Variants in DOT1L observed in about 807,000 individuals in gnomAD.
The protein encoded by DOT1L is DOT1 like histone lysine methyltransferase, also known as histone-lysine N-methyltransferase, H3 lysine-79 specific.
DOT1L carries 33 observed loss-of-function variants against 153.3 expected under a neutral mutation model. That is an observed-to-expected ratio of 0.22 (90% confidence interval 0.16 to 0.29). DOT1L has a LOEUF of 0.29. DOT1L is among the 10% of genes least tolerant of loss of function. The pLI is 1.00. For missense variants in DOT1L, 1,847 were observed against 2,119.9 expected (o/e 0.87, Z 2.53); for synonymous variants, 1,135 against 965.1 (o/e 1.18, Z -3.26).
intron 8 of DOT1L, 93 bp from the exon 9 acceptor site, chr19:2,202,607 C>A: frequency 1.5e-6 from 2 of 1,300,794 alleles, no homozygotes; most frequent in Non-Finnish European, 2.2e-6. Flanking sequence ...GTGGGCAGGG[C>A]CTAGCACCGA....
Position 2,213,907 on chromosome 19 carries a change from C to A in DOT1L, c.1718C>A (p.Ala573Asp). Residue 573 changes from alanine (A) to aspartate (D), a missense_variant, in exon 18 of 28, where the codon GCC (alanine) becomes GAC (aspartate). This residue lies in a region of DOT1L where 156 missense variants were observed against 235.7 expected (regional missense o/e 0.66). Coordinates refer to ENST00000398665, the MANE Select transcript of DOT1L (RefSeq NM_032482.3). Reference protein sequence around the residue: ...DLIQAQKEISAHNQQLREQSE... With the variant: ...DLIQAQKEISDHNQQLREQSE... ...ATTCAAGCGCAGAAGGAGATCTCCG[C>A]CCATAACCAGCAGCTGCGGGAGCAG... 1.2e-6 allele frequency: 2 copies of A among 1,613,118 alleles called. No homozygotes were observed. The highest frequency in any genetic ancestry group is 1.7e-6 in the Non-Finnish European group (2 of 1,180,038).
chr19:2,184,403 C>T (rs918620643), intron 2 of DOT1L, among the ~76,000 whole-genome samples: 7 of 152,038 alleles, frequency 4.6e-5, no homozygotes, highest in African/African-American at 1.4e-4. Context: ...TTGGAGGGCA[C>T]CCGGACCTGA....
At chr19:2,187,870 T>G (rs376642719) in intron 3 of DOT1L, among the ~76,000 whole-genome samples, 1 of 145,218 alleles carries the variant, frequency 6.9e-6, no homozygotes, top group Non-Finnish European at 1.5e-5. Flanking sequence ...TGCAGTGAGC[T>G]GAGATCGCGC....
intron 1 of DOT1L, among the ~76,000 whole-genome samples, chr19:2,177,389 C>T (rs1173923928): frequency 5.3e-5 from 8 of 151,986 alleles, no homozygotes; most frequent in Non-Finnish European, 8.8e-5. Flanking sequence ...CTCTGCCTCC[C>T]GGGTTCAAGC....
chr19:2,216,904 T>C, intron 20 of DOT1L, 51 bp from the exon 21 acceptor site: 1 of 1,579,122 alleles, frequency 6.3e-7, no homozygotes, highest in Non-Finnish European at 8.6e-7. Context: ...GGCCGCTGCC[T>C]CTGAGTGCCA....
chr19:2,167,740 T>TTTC (rs1568323286), intron 1 of DOT1L, among the ~76,000 whole-genome samples: 11 of 146,478 alleles, frequency 7.5e-5, no homozygotes, highest in East Asian at 3.9e-4. Context: ...TTTTCTTTTT[T>TTTC]TTTTTTTTTT....
intron 27 of DOT1L, chr19:2,227,465 T>C (rs1599628153): frequency 1.8e-6 from 1 of 562,036 alleles, no homozygotes; most frequent in Non-Finnish European, 3.4e-6. Flanking sequence ...GAGCTGGTGT[T>C]GGGTAAGAGC....
intron 1 of DOT1L, among the ~76,000 whole-genome samples, chr19:2,170,292 TGCCCCTGGTGTGGTTGGGAG>T (rs538594173): frequency 2.0e-5 from 3 of 152,332 alleles, no homozygotes; most frequent in Admixed American, 6.5e-5. Flanking sequence ...TTTCCACGCT[TGCCCCTGGTGTGGTTGGGAG>T]GCGTGACTGA....
chr19:2,203,474 A>G (rs2023374698), intron 9 of DOT1L, among the ~76,000 whole-genome samples: 2 of 152,300 alleles, frequency 1.3e-5, no homozygotes, highest in African/African-American at 2.4e-5. Flanking sequence ...AGTCCCCTTT[A>G]TTCTTGACCT....
rs1009823963 is a variant in DOT1L at position 2,208,287 on chromosome 19, G to T, written c.963+607G>T. 6.6e-6 allele frequency among the ~76,000 whole-genome samples: 1 copy of T among 152,142 alleles called. No individual in the cohort carries two copies. The highest frequency in any genetic ancestry group is 1.5e-5 in the Non-Finnish European group (1 of 68,016). Reference sequence around the variant, plus strand: ...CTGGTCTCTTTCCCGTCCTTTGGTTGGGCACTCTGTTCCTGTTGTTGGGGT... The same window carrying T: ...CTGGTCTCTTTCCCGTCCTTTGGTTTGGCACTCTGTTCCTGTTGTTGGGGT... On this transcript the variant is annotated intron_variant, in intron 11 of 27. Coordinates refer to ENST00000398665, the MANE Select transcript of DOT1L (RefSeq NM_032482.3). The surrounding 1 kb of genome is among the most constrained non-coding windows in gnomAD (Gnocchi z 4.4).
intron 1 of DOT1L, among the ~76,000 whole-genome samples, chr19:2,180,319 G>A (rs1449173699): frequency 1.3e-5 from 2 of 152,166 alleles, no homozygotes; most frequent in Non-Finnish European, 1.5e-5. Context: ...CCTGCGGAGC[G>A]CGGTCTGAGG....
intron 8 of DOT1L, among the ~76,000 whole-genome samples, chr19:2,200,270 G>T (rs1390654064): frequency 6.6e-6 from 1 of 151,492 alleles, no homozygotes; most frequent in South Asian, 2.1e-4. Flanking sequence ...TGGTCTGGGG[G>T]TCTTCCTGTC....
intron 1 of DOT1L, among the ~76,000 whole-genome samples, chr19:2,170,206 A>C (rs4807208): frequency 0.46 from 70,570 of 152,010 alleles, 16,475 homozygotes; most frequent in African/African-American, 0.47. Flanking sequence ...GATGGCTGCA[A>C]ATCACTCTTG....
chr19:2,189,410 C>T (rs933224750), intron 3 of DOT1L, among the ~76,000 whole-genome samples: 3 of 152,208 alleles, frequency 2.0e-5, no homozygotes, highest in Non-Finnish European at 2.9e-5. Flanking sequence ...CAGTCCCCCT[C>T]GAGCCCTCTT....
At chr19:2,177,140 C>T (rs534864467) in intron 1 of DOT1L, among the ~76,000 whole-genome samples, 8 of 152,282 alleles carry the variant, frequency 5.3e-5, no homozygotes, top group Non-Finnish European at 1.2e-4. Context: ...AGGGGGAGCT[C>T]TGTGGAGCGG....
At chr19:2,209,583 C>G (rs2023635166) in intron 12 of DOT1L, among the ~76,000 whole-genome samples, 1 of 152,262 alleles carries the variant, frequency 6.6e-6, no homozygotes, top group Admixed American at 6.5e-5. Flanking sequence ...CCCCTCCTCT[C>G]CCACCTTAAA....
chr19:2,228,020 T>C (rs2024435504), intron 27 of DOT1L: 3 of 1,198,166 alleles, frequency 2.5e-6, no homozygotes, highest in Non-Finnish European at 3.2e-6. Context: ...CCTTGCCTCC[T>C]CCCCCAACGC....
rs769094667 is a variant in DOT1L at position 2,222,383 on chromosome 19, C to T, written c.3214C>T (p.Arg1072Cys). Reference protein sequence around the residue: ...SKHSPLTASARGDCVPSHGQD... With the variant: ...SKHSPLTASACGDCVPSHGQD... ...GCACAGCCCCCTGACCGCCAGCGCC[C>T]GTGGGGACTGTGTGCCGAGCCACGG... The change falls in exon 24 of 28, where the codon CGT becomes TGT. Residue 1072 changes from arginine to cysteine, a missense_variant. Around this residue, in one of 8 missense-constraint regions of DOT1L, gnomAD observed 934 missense variants for 825.3 expected, o/e 1.13. Coordinates refer to ENST00000398665, the MANE Select transcript of DOT1L (RefSeq NM_032482.3). The surrounding 1 kb of genome is among the most constrained non-coding windows in gnomAD (Gnocchi z 6.5). The T allele has an allele frequency of 4.3e-6, 7 of 1,611,136 alleles. No homozygotes were observed. The highest frequency in any genetic ancestry group is 2.2e-5 in the East Asian group (1 of 44,822).
chr19:2,184,137 C>T (rs781776942), intron 2 of DOT1L, among the ~76,000 whole-genome samples: 22 of 152,086 alleles, frequency 1.4e-4, no homozygotes, highest in Non-Finnish European at 2.6e-4. Flanking sequence ...TTTTTCTTGC[C>T]GAGTTGCGCT....
Sources: gnomAD v4.1 joint callset for allele counts (sites outside exome capture counted in the v4.1 genomes callset) on GRCh38, gnomAD v4.1.1 for gene constraint, gnomAD v4.1.1 regional missense constraint, Gnocchi (gnomAD v3.1) non-coding constraint, MANE v1.5 for transcripts, NCBI Gene and HGNC (gene_info 2026-07-23, HGNC 2026-07-21) for gene names.